DPH6: variants seen among roughly 807,000 people sequenced by gnomAD.
DPH6 encodes the protein diphthine--ammonia ligase.
In DPH6, 33 loss-of-function variants were observed where a neutral mutation model predicts 38.2. The ratio of observed to expected loss-of-function variants is 0.86; its 90% CI spans 0.65 to 1.15. The LOEUF is 1.15. Among genes scored for constraint, DPH6 ranks in the 50% most tolerant of loss-of-function variants. DPH6 has a pLI of 0.00. For synonymous variants in DPH6, 108 were observed against 103.0 expected (o/e 1.05, Z -0.30); for missense variants, 325 against 320.0 (o/e 1.02, Z -0.12).
chr15:35,521,724 A>G (rs1205864059), intron 3 of DPH6: 3 of 1,231,368 alleles, frequency 2.4e-6, no homozygotes, highest in Non-Finnish European at 3.0e-6. Context: ...GTCAACTTTA[A>G]TTTATGCAAA....
the DPH6 span, among the ~76,000 whole-genome samples, chr15:35,207,500 T>C: frequency 2.1e-3 from 313 of 152,318 alleles, 1 homozygote; most frequent in African/African-American, 7.1e-3. Context: ...TGATATGTTT[T>C]GGTTACTATA....
chr15:35,275,725 A>AT (rs989334207), intron 3 of DPH6, among the ~76,000 whole-genome samples: 4 of 152,172 alleles, frequency 2.6e-5, no homozygotes, highest in South Asian at 2.1e-4. Flanking sequence ...AAAAAAAAAA[A>AT]AAATAATAAT....
chr15:35,522,339 C>A, intron 3 of DPH6: 1 of 1,539,338 alleles, frequency 6.5e-7, no homozygotes. Flanking sequence ...CAGAAAAAGC[C>A]CTGAGGCTGG....
intron 3 of DPH6, among the ~76,000 whole-genome samples, chr15:35,273,366 A>G (rs1194484200): frequency 1.3e-5 from 2 of 152,118 alleles, no homozygotes; most frequent in Non-Finnish European, 1.5e-5. Context: ...ACGCCTTTGC[A>G]TCCTCATAGC....
At chr15:35,159,221 A>G in the DPH6 span, among the ~76,000 whole-genome samples, 4 of 152,066 alleles carry the variant, frequency 2.6e-5, no homozygotes, top group Non-Finnish European at 4.4e-5. Flanking sequence ...ATCTACCTCC[A>G]TGTACTCTGC....
intron 6 of DPH6, chr15:35,401,316 C>T: frequency 1.3e-6 from 1 of 799,092 alleles, no homozygotes; most frequent in Non-Finnish European, 2.2e-6. Flanking sequence ...GAGGAAACTT[C>T]AGTGATCATG....
chr15:35,370,162 C>T (rs2052698312), downstream of DPH6, among the ~76,000 whole-genome samples: 1 of 151,556 alleles, frequency 6.6e-6, no homozygotes, highest in Admixed American at 6.6e-5. Flanking sequence ...AAAACGAATC[C>T]ATATATAGAT....
Position 35,234,090 on chromosome 15 carries a change from C to G in DPH6, n.201-13508G>C, listed in dbSNP as rs550922402. On this transcript the variant is annotated intron_variant and non_coding_transcript_variant, in intron 3 of 3. Coordinates refer to the DPH6 transcript ENST00000560386. ...TGTACTTCCAATATTTAGAAAAGTA[C>G]CTGGTATATATGGGGTACTTACTAT... Among the ~76,000 whole-genome samples the G allele has an allele frequency of 2.0e-5, 3 of 152,190 alleles. No individual in the cohort carries two copies. In the South Asian group the frequency reaches 6.2e-4, roughly 32 times the overall value.
intron 3 of DPH6, chr15:35,519,053 T>C (rs974792560): frequency 6.6e-6 from 1 of 151,870 alleles, no homozygotes; most frequent in African/African-American, 2.4e-5. Context: ...ATCCATAACA[T>C]TTTTCTCTTC....
intron 3 of DPH6, among the ~76,000 whole-genome samples, chr15:35,290,960 T>C (rs2051976187): frequency 6.6e-6 from 1 of 152,218 alleles, no homozygotes; most frequent in African/African-American, 2.4e-5. Flanking sequence ...ATATCCACCA[T>C]GTAACTTACA....
At chr15:35,465,588 C>T (rs2054116806) in intron 3 of DPH6, among the ~76,000 whole-genome samples, 2 of 152,130 alleles carry the variant, frequency 1.3e-5, no homozygotes, top group Non-Finnish European at 2.9e-5. Context: ...GAAAGTGACA[C>T]TTAGAATTCC....
chr15:35,165,058 T>C, the DPH6 span, among the ~76,000 whole-genome samples: 3 of 151,944 alleles, frequency 2.0e-5, no homozygotes, highest in East Asian at 3.9e-4. Context: ...ATCTCAACCA[T>C]GGGTAAAAGA....
intron 5 of DPH6, among the ~76,000 whole-genome samples, chr15:35,417,002 T>C (rs1015740698): frequency 6.6e-6 from 1 of 152,096 alleles, no homozygotes; most frequent in South Asian, 2.1e-4. Context: ...TATTCAGATA[T>C]AGAAGTTTCC....
At chr15:35,417,231 T>A (rs1160387484) in intron 5 of DPH6, among the ~76,000 whole-genome samples, 2 of 152,054 alleles carry the variant, frequency 1.3e-5, no homozygotes, top group Admixed American at 1.3e-4. Flanking sequence ...CTAAATGGAA[T>A]AAGGTAATTA....
intron 3 of DPH6, among the ~76,000 whole-genome samples, chr15:35,534,487 G>A (rs922977800): frequency 1.3e-5 from 2 of 150,916 alleles, no homozygotes; most frequent in Non-Finnish European, 3.0e-5. Context: ...TCTATAGAAA[G>A]AAAAATAAGT....
intron 3 of DPH6, among the ~76,000 whole-genome samples, chr15:35,346,171 C>G (rs191750646): frequency 2.0e-4 from 30 of 152,072 alleles, no homozygotes; most frequent in Non-Finnish European, 1.5e-5. Context: ...TTATACTTAA[C>G]AGAATCTAGA....
chr15:35,484,379 G>T (rs2054368677), intron 3 of DPH6, among the ~76,000 whole-genome samples: 1 of 152,194 alleles, frequency 6.6e-6, no homozygotes, highest in Non-Finnish European at 1.5e-5. Context: ...TATCTCTGGT[G>T]CAAGACTCTC....
downstream of DPH6, among the ~76,000 whole-genome samples, chr15:35,366,321 G>C (rs2052659628): frequency 1.3e-5 from 2 of 150,304 alleles, no homozygotes; most frequent in Non-Finnish European, 3.0e-5. Context: ...GGATCAACTA[G>C]ATTTCAATCC....
chr15:35,271,070 A>G (rs1421299733), intron 3 of DPH6, among the ~76,000 whole-genome samples: 5 of 152,158 alleles, frequency 3.3e-5, no homozygotes, highest in African/African-American at 1.2e-4. Context: ...GTAGGGTATA[A>G]ATACGTCCAG....
Sources: gnomAD v4.1 joint callset for allele counts (sites outside exome capture counted in the v4.1 genomes callset) on GRCh38, gnomAD v4.1.1 for gene constraint, MANE v1.5 for transcripts, NCBI Gene and HGNC (gene_info 2026-07-23, HGNC 2026-07-21) for gene names.